Variants in CHN2 observed in about 807,000 individuals in gnomAD.
CHN2 encodes chimerin 2.
CHN2 carries 35 observed loss-of-function variants against 56.3 expected under a neutral mutation model. The ratio of observed to expected loss-of-function variants is 0.62; its 90% CI spans 0.47 to 0.82. The LOEUF is 0.82. Among genes scored for constraint, CHN2 ranks in the 40% least tolerant of loss-of-function variants. The pLI, the probability that CHN2 is intolerant of heterozygous loss-of-function variation, is 0.00. For synonymous variants in CHN2, 210 were observed against 212.8 expected (o/e 0.99, Z 0.12); for missense variants, 491 against 580.5 (o/e 0.85, Z 1.58).
At chr7:29,185,888 A>G (rs1798650614) in intron 2 of CHN2, among the ~76,000 whole-genome samples, 1 of 152,154 alleles carries the variant, frequency 6.6e-6, no homozygotes, top group South Asian at 2.1e-4. Context: ...GCCCTGTCCT[A>G]TGTGTTGGTC....
At chr7:29,398,028 C>T (rs1385678341) in intron 4 of CHN2, 2 of 175,616 alleles carry the variant, frequency 1.1e-5, no homozygotes, top group Non-Finnish European at 2.2e-5. Flanking sequence ...TTGGTAATTG[C>T]TCTTCTGTTA....
rs552613733 is a variant in CHN2, at chr7:29,172,327, A to G, written c.274+25367A>G. On this transcript the variant is annotated intron_variant, in intron 2 of 6. Coordinates refer to the CHN2 transcript ENST00000439384. ...GACTGGTCTCATCCAGTTGACCAAC[A>G]TTCTGCTTCAGGAACATTGTGACTT... Among the ~76,000 whole-genome samples the G allele has an allele frequency of 2.6e-5, 4 of 152,312 alleles. 1 individual carries two copies. The South Asian group carries it at 8.3e-4, about 32-fold the overall frequency.
At chr7:29,337,619 C>T (rs532729828) in intron 1 of CHN2, among the ~76,000 whole-genome samples, 230 of 152,282 alleles carry the variant, frequency 1.5e-3, no homozygotes, top group African/African-American at 5.2e-3. Context: ...CAGGCTGCCA[C>T]GGGGTGACAG....
intron 6 of CHN2, among the ~76,000 whole-genome samples, chr7:29,437,677 A>C (rs1463567122): frequency 6.6e-6 from 1 of 151,912 alleles, no homozygotes; most frequent in African/African-American, 2.4e-5. Context: ...TCCTGCTAAG[A>C]GGCTTAGCAT....
intron 6 of CHN2, among the ~76,000 whole-genome samples, chr7:29,407,909 C>T (rs375287845): frequency 4.6e-5 from 7 of 152,228 alleles, no homozygotes; most frequent in East Asian, 1.9e-4. Context: ...TGCCCATGGC[C>T]GGGCTTGGTG....
chr7:29,248,593 C>T (rs1049460898), intron 1 of CHN2, among the ~76,000 whole-genome samples: 7 of 152,178 alleles, frequency 4.6e-5, no homozygotes, highest in Non-Finnish European at 7.3e-5. Context: ...TCGCACTATC[C>T]GCAGAGCTCT....
At chr7:29,230,061 C>A (rs1259265367) in intron 1 of CHN2, among the ~76,000 whole-genome samples, 1 of 152,114 alleles carries the variant, frequency 6.6e-6, no homozygotes, top group Non-Finnish European at 1.5e-5. Flanking sequence ...GGCTGCTTTC[C>A]CACTACCCTA....
At chr7:29,218,299 G>T (rs1005775795) in intron 1 of CHN2, among the ~76,000 whole-genome samples, 1 of 151,876 alleles carries the variant, frequency 6.6e-6, no homozygotes, top group African/African-American at 2.4e-5. Context: ...CATGTGGAGT[G>T]GTGGAATCAT....
At chr7:29,254,821 CTTG>C (rs2128823724) in intron 1 of CHN2, among the ~76,000 whole-genome samples, 1 of 152,252 alleles carries the variant, frequency 6.6e-6, no homozygotes, top group Admixed American at 6.5e-5. Flanking sequence ...CACATTTAGA[CTTG>C]TTGTGCAAGG....
chr7:29,171,847 A>G (rs977260442), intron 2 of CHN2, among the ~76,000 whole-genome samples: 1 of 152,324 alleles, frequency 6.6e-6, no homozygotes. Flanking sequence ...TGAAGCTTTC[A>G]AGCATGCCGT....
At chr7:29,226,325 A>T (rs996474565) in intron 1 of CHN2, among the ~76,000 whole-genome samples, 5 of 152,242 alleles carry the variant, frequency 3.3e-5, no homozygotes, top group African/African-American at 1.2e-4. Context: ...TACTGGGGAT[A>T]GCCAAGCCCA....
rs1411520360 is a variant in CHN2 at position 29,347,996 on chromosome 7, C to G, written c.50-6629C>G. On this transcript the variant is annotated intron_variant, in intron 1 of 12. Coordinates refer to ENST00000222792, the MANE Select transcript of CHN2 (RefSeq NM_004067.4). ...GATTCACACAAATCTCTTAATGGTGCTTTTTTTTCCCCCTCAGGTTGGGAA... is the reference window on the plus strand; with the variant it reads ...GATTCACACAAATCTCTTAATGGTGGTTTTTTTTCCCCCTCAGGTTGGGAA... 3.3e-5 allele frequency among the ~76,000 whole-genome samples: 5 copies of G among 151,974 alleles called. No individual in the cohort carries two copies. In the South Asian group the frequency reaches 8.3e-4, roughly 25 times the overall value.
intron 2 of CHN2, among the ~76,000 whole-genome samples, chr7:29,367,089 T>C (rs1438680627): frequency 6.6e-6 from 1 of 152,170 alleles, no homozygotes; most frequent in African/African-American, 2.4e-5. Flanking sequence ...TTTTTCAACC[T>C]GTATTTTCAC....
chr7:29,317,168 T>C (rs1795012669), intron 1 of CHN2, among the ~76,000 whole-genome samples: 2 of 152,090 alleles, frequency 1.3e-5, no homozygotes, highest in African/African-American at 4.8e-5. Flanking sequence ...CACCAAGGGA[T>C]AGAAGTAGAT....
intron 6 of CHN2, among the ~76,000 whole-genome samples, chr7:29,432,632 G>A (rs935986670): frequency 9.9e-5 from 15 of 152,186 alleles, no homozygotes; most frequent in Admixed American, 2.0e-4. Context: ...ATATGGAAAT[G>A]TGATCCATTT....
chr7:29,507,177 C>G (rs372851417), intron 10 of CHN2, 51 bp from the exon 11 acceptor site: 3 of 1,518,000 alleles, frequency 2.0e-6, no homozygotes, highest in Non-Finnish European at 2.7e-6. Context: ...CTGTACATGC[C>G]TTGGTGAAAT....
At chr7:29,498,681 G>C in intron 8 of CHN2, among the ~76,000 whole-genome samples, 1 of 151,014 alleles carries the variant, frequency 6.6e-6, no homozygotes, top group East Asian at 2.0e-4. Context: ...ACTTTGAGTA[G>C]AGAGCACATC....
rs963532872 is a variant in CHN2, at chr7:29,400,682, A to C, written c.430A>C (p.Ile144Leu). The change falls in exon 6 of 13, where the codon ATT becomes CTT. Residue 144 changes from isoleucine (I) to leucine (L), a missense_variant. Coordinates refer to ENST00000222792, the MANE Select transcript of CHN2 (RefSeq NM_004067.4). Reference protein sequence around the residue: ...LYIETKAAEYISKMTTNPIYE... With the variant: ...LYIETKAAEYLSKMTTNPIYE... ...CATAGAAACAAAAGCTGCCGAGTAC[A>C]TTTCAAAAATGACAACTAACCCCAT... is the stretch of plus-strand genomic sequence containing the variant. 3 of 1,614,216 alleles carry C rather than the reference A, an allele frequency of 1.9e-6. No individual in the cohort carries two copies. The highest frequency in any genetic ancestry group is 2.5e-6 in the Non-Finnish European group (3 of 1,180,040).
At chr7:29,220,808 GCCTAA>G (rs956732299) in intron 1 of CHN2, among the ~76,000 whole-genome samples, 1 of 152,104 alleles carries the variant, frequency 6.6e-6, no homozygotes, top group Non-Finnish European at 1.5e-5. Context: ...TGTGAAATCA[GCCTAA>G]CCTAAGTCTG....
Sources: allele counts gnomAD v4.1 joint callset (sites outside exome capture counted in the v4.1 genomes callset), GRCh38; gene constraint gnomAD v4.1.1; transcripts MANE v1.5; gene names NCBI Gene and HGNC (gene_info 2026-07-23, HGNC 2026-07-21).